The following CDK14 variants were observed in gnomAD, a reference collection of about 807,000 sequenced individuals.
The protein encoded by CDK14 is cyclin dependent kinase 14.
In CDK14, 34 loss-of-function variants were observed where a neutral mutation model predicts 60.7. That is an observed-to-expected ratio of 0.56 (90% confidence interval 0.43 to 0.75). The LOEUF is 0.75. CDK14 is among the 30% of genes least tolerant of loss of function. The pLI is 0.00. For synonymous variants in CDK14, 197 were observed against 203.7 expected (o/e 0.97, Z 0.28); for missense variants, 482 against 564.1 (o/e 0.85, Z 1.47).
chr7:91,189,468 T>G (rs1802290409), intron 14 of CDK14, among the ~76,000 whole-genome samples: 1 of 152,208 alleles, frequency 6.6e-6, no homozygotes, highest in Non-Finnish European at 1.5e-5. Flanking sequence ...ATGTGTATCT[T>G]TTCAGATCAT....
At chr7:91,097,956 A>G (rs1302728642) in intron 12 of CDK14, among the ~76,000 whole-genome samples, 1 of 152,222 alleles carries the variant, frequency 6.6e-6, no homozygotes, top group Non-Finnish European at 1.5e-5. Context: ...TAGTTGGTTC[A>G]GTGTGCAGTT....
chr7:91,168,283 TG>T (rs1175658922), intron 14 of CDK14, among the ~76,000 whole-genome samples: 3 of 150,294 alleles, frequency 2.0e-5, no homozygotes, highest in Non-Finnish European at 4.4e-5. Flanking sequence ...AAAAGATAAT[TG>T]GGCCACTTTA....
At chr7:91,062,438 A>G (rs902131196) in intron 11 of CDK14, among the ~76,000 whole-genome samples, 2 of 151,658 alleles carry the variant, frequency 1.3e-5, no homozygotes, top group South Asian at 2.1e-4. Flanking sequence ...CACCAGTGAG[A>G]TGAACCTGGT....
At chr7:90,682,937 T>A (rs562818413) in intron 2 of CDK14, among the ~76,000 whole-genome samples, 2 of 152,344 alleles carry the variant, frequency 1.3e-5, no homozygotes, top group South Asian at 4.1e-4. Flanking sequence ...GGGTTTCACA[T>A]CTGGAGGCAC....
intron 12 of CDK14, among the ~76,000 whole-genome samples, chr7:91,106,891 G>A (rs141210314): frequency 9.9e-4 from 151 of 152,322 alleles, no homozygotes; most frequent in African/African-American, 3.3e-3. Flanking sequence ...CTGAGGGGCA[G>A]TGGAGATTAT....
At chr7:90,680,157 T>C (rs2116557844) in intron 2 of CDK14, among the ~76,000 whole-genome samples, 1 of 152,260 alleles carries the variant, frequency 6.6e-6, no homozygotes, top group Non-Finnish European at 1.5e-5. Flanking sequence ...ATAAGACATG[T>C]CTGCAGTAAG....
intron 8 of CDK14, among the ~76,000 whole-genome samples, chr7:90,944,260 A>G (rs1794029042): frequency 6.6e-6 from 1 of 152,208 alleles, no homozygotes; most frequent in Admixed American, 6.5e-5. Context: ...GCAACAAAAA[A>G]ATGGACTAAG....
chr7:91,080,188 C>T (rs1798444200), intron 12 of CDK14, among the ~76,000 whole-genome samples: 2 of 152,144 alleles, frequency 1.3e-5, no homozygotes, highest in South Asian at 2.1e-4. Context: ...ATTAAATAAA[C>T]TGTAATTTGT....
intron 2 of CDK14, among the ~76,000 whole-genome samples, chr7:90,670,893 C>T (rs189473393): frequency 2.6e-5 from 4 of 152,306 alleles, no homozygotes; most frequent in African/African-American, 9.6e-5. Context: ...TCTCAAAATA[C>T]AGTCATCCCT....
rs529428908 is a variant in CDK14 at position 90,794,397 on chromosome 7, G to A, written c.544+3745G>A. ...AATTTCCTCATCCTAATAAGCCTGC[G>A]AGCTCTATGGGAGACCAGGGCTTAT... On this transcript the variant is annotated intron_variant, in intron 5 of 14. Coordinates refer to ENST00000380050, the MANE Select transcript of CDK14 (RefSeq NM_001287135.2). Among the ~76,000 whole-genome samples the A allele has an allele frequency of 5.9e-5, 9 of 152,196 alleles. No individual in the cohort carries two copies. The South Asian group carries it at 1.2e-3, about 21-fold the overall frequency.
chr7:91,063,391 A>G (rs1463791118), intron 11 of CDK14, among the ~76,000 whole-genome samples: 1 of 152,254 alleles, frequency 6.6e-6, no homozygotes, highest in Non-Finnish European at 1.5e-5. Flanking sequence ...ACTACTAATT[A>G]TTCGCTCCGG....
intron 14 of CDK14, among the ~76,000 whole-genome samples, chr7:91,151,763 A>G (rs1212875085): frequency 6.6e-6 from 1 of 152,162 alleles, no homozygotes; most frequent in Non-Finnish European, 1.5e-5. Context: ...TCATGCCTAG[A>G]TGGGTGACAG....
intron 5 of CDK14, among the ~76,000 whole-genome samples, chr7:90,850,919 C>A (rs1241278464): frequency 6.6e-6 from 1 of 152,090 alleles, no homozygotes; most frequent in Non-Finnish European, 1.5e-5. Context: ...GGTGATGCTG[C>A]AAGTGAACAG....
intron 13 of CDK14, among the ~76,000 whole-genome samples, chr7:91,116,546 T>TAA (rs1212624365): frequency 6.6e-6 from 1 of 152,216 alleles, no homozygotes; most frequent in Non-Finnish European, 1.5e-5. Context: ...TAGAACAGCA[T>TAA]AATGCTCTTA....
chr7:90,836,219 C>T (rs1161158198), intron 5 of CDK14, among the ~76,000 whole-genome samples: 1 of 152,064 alleles, frequency 6.6e-6, no homozygotes, highest in Non-Finnish European at 1.5e-5. Flanking sequence ...ACTTTATAAA[C>T]TTTGTAATTA....
At chr7:90,644,703 T>G (rs767822640) in intron 2 of CDK14, among the ~76,000 whole-genome samples, 4 of 152,226 alleles carry the variant, frequency 2.6e-5, no homozygotes, top group Non-Finnish European at 5.9e-5. Context: ...GCACCTCTGG[T>G]GATACCATGG....
At chr7:91,110,756 C>T (rs1799447432) in intron 12 of CDK14, among the ~76,000 whole-genome samples, 1 of 152,128 alleles carries the variant, frequency 6.6e-6, no homozygotes, top group African/African-American at 2.4e-5. Flanking sequence ...AAACTCAGAT[C>T]TAGTCCTAAT....
At position 90,806,071 on chromosome 7, in the gene CDK14, A is replaced by G. The variant is rs577826752; in HGVS notation, c.544+15419A>G. On this transcript the variant is annotated intron_variant, in intron 5 of 14. Transcript: ENST00000380050. Reference sequence around the variant, plus strand: ...AACTTTTTCAATAAATGGTGCTATGACAATTGGATATTCAAATGCAAAAAG... The same window carrying G: ...AACTTTTTCAATAAATGGTGCTATGGCAATTGGATATTCAAATGCAAAAAG... 2.0e-5 allele frequency among the ~76,000 whole-genome samples: 3 copies of G among 152,324 alleles called. No individual in the cohort carries two copies. The South Asian group carries it at 6.2e-4, about 32-fold the overall frequency.
At chr7:90,730,556 C>A (rs1031328866) in intron 3 of CDK14, among the ~76,000 whole-genome samples, 6 of 152,040 alleles carry the variant, frequency 3.9e-5, no homozygotes, top group African/African-American at 9.7e-5. Context: ...TTCTAACTGG[C>A]GTGAGATGGT....
Sources: gnomAD v4.1 joint callset for allele counts (sites outside exome capture counted in the v4.1 genomes callset) on GRCh38, gnomAD v4.1.1 for gene constraint, MANE v1.5 for transcripts, NCBI Gene and HGNC (gene_info 2026-07-23, HGNC 2026-07-21) for gene names.